The following CPQ variants were observed in gnomAD, a reference collection of about 807,000 sequenced individuals.
CPQ encodes carboxypeptidase Q.
In CPQ, 37 loss-of-function variants were observed where a neutral mutation model predicts 45.7. The ratio of observed to expected loss-of-function variants is 0.81; its 90% CI spans 0.62 to 1.07. The LOEUF (loss-of-function observed/expected upper bound fraction) is 1.07, where lower values mean the gene tolerates loss of function less well. Among genes scored for constraint, CPQ ranks in the 50% least tolerant of loss-of-function variants. The pLI is 0.00. For missense variants in CPQ, 537 were observed against 572.9 expected, an observed-to-expected ratio of 0.94 and a Z score of 0.64; for synonymous variants, 186 against 205.8, an observed-to-expected ratio of 0.90 and a Z score of 0.82.
chr8:97,043,174 A>G (rs981723905), intron 6 of CPQ, among the ~76,000 whole-genome samples: 9 of 152,140 alleles, frequency 5.9e-5, no homozygotes, highest in Non-Finnish European at 8.8e-5. Context: ...GTGCTCCTGT[A>G]TTGGGTGCAT....
intron 5 of CPQ, among the ~76,000 whole-genome samples, chr8:96,977,634 T>C (rs907638043): frequency 6.6e-6 from 1 of 152,172 alleles, no homozygotes; most frequent in Non-Finnish European, 1.5e-5. Context: ...CATGGAATAT[T>C]ACTCAGCCAC....
In CPQ at chr8:96,781,077, G is replaced by T. The variant is rs1371489819; in HGVS notation, c.-34-3787G>T. On this transcript the variant is annotated intron_variant, in intron 1 of 7. Transcript: ENST00000220763. ...GATTGTGCTTCTCATATTATCTGTG[G>T]TGAAGGAACAATTTTGAAAATTTTG... Among the ~76,000 whole-genome samples, 7 of 152,182 alleles carry T rather than the reference G, an allele frequency of 4.6e-5. No homozygotes were observed. In the South Asian group the frequency reaches 1.2e-3, roughly 27 times the overall value.
intron 3 of CPQ, among the ~76,000 whole-genome samples, chr8:96,870,668 C>G (rs1209763780): frequency 6.6e-6 from 1 of 151,932 alleles, no homozygotes; most frequent in African/African-American, 2.4e-5. Context: ...GTTGTAATAA[C>G]TGGTAAATGA....
intron 1 of CPQ, among the ~76,000 whole-genome samples, chr8:96,749,592 C>G (rs1265389405): frequency 1.3e-5 from 2 of 152,076 alleles, no homozygotes; most frequent in Non-Finnish European, 2.9e-5. Flanking sequence ...GGAAGGGGAG[C>G]TTTTCTATCA....
intron 2 of CPQ, among the ~76,000 whole-genome samples, chr8:96,818,525 A>G (rs75842703): frequency 0.036 from 5,459 of 152,158 alleles, 129 homozygotes; most frequent in Non-Finnish European, 0.056. Context: ...TTTGTAAAAA[A>G]CGCATTCATC....
intron 1 of CPQ, among the ~76,000 whole-genome samples, chr8:96,648,570 C>T (rs930589213): frequency 2.0e-5 from 3 of 151,962 alleles, no homozygotes; most frequent in African/African-American, 7.3e-5. Flanking sequence ...TTTCAATAAC[C>T]ATTTATTGAG....
At chr8:96,647,493 C>A (rs1446321180) in intron 1 of CPQ, among the ~76,000 whole-genome samples, 1 of 152,148 alleles carries the variant, frequency 6.6e-6, no homozygotes, top group Non-Finnish European at 1.5e-5. Flanking sequence ...CCTATTTGAT[C>A]TTCTTAACTA....
At chr8:96,871,039 A>T (rs182506320) in intron 3 of CPQ, among the ~76,000 whole-genome samples, 1 of 152,174 alleles carries the variant, frequency 6.6e-6, no homozygotes, top group Admixed American at 6.6e-5. Context: ...ACTGATAATG[A>T]TGCACAGATG....
At chr8:96,753,255 G>A (rs1039080842) in intron 1 of CPQ, among the ~76,000 whole-genome samples, 17 of 151,968 alleles carry the variant, frequency 1.1e-4, no homozygotes, top group Admixed American at 3.3e-4. Flanking sequence ...GTTTTGTTGT[G>A]TTAATTCGTC....
At chr8:96,755,491 TATTA>T (rs1318571971) in intron 1 of CPQ, among the ~76,000 whole-genome samples, 2 of 151,958 alleles carry the variant, frequency 1.3e-5, no homozygotes, top group African/African-American at 4.8e-5. Flanking sequence ...CATTTTTTGT[TATTA>T]ATTTCTAGTT....
chr8:96,754,544 G>T (rs1227603043), intron 1 of CPQ, among the ~76,000 whole-genome samples: 4 of 151,988 alleles, frequency 2.6e-5, no homozygotes, highest in Non-Finnish European at 5.9e-5. Context: ...TCTTGAAAAC[G>T]TGAAAGGCCT....
At chr8:96,969,680 T>C (rs1455567880) in intron 5 of CPQ, among the ~76,000 whole-genome samples, 5 of 152,182 alleles carry the variant, frequency 3.3e-5, no homozygotes, top group African/African-American at 1.2e-4. Flanking sequence ...AGTAGCAGTC[T>C]TGGGATTATA....
intron 3 of CPQ, among the ~76,000 whole-genome samples, chr8:96,839,231 G>A (rs552972171): frequency 1.8e-4 from 27 of 152,194 alleles, no homozygotes; most frequent in African/African-American, 6.5e-4. Context: ...TTTTGGGTCT[G>A]CAGTGGTCAC....
intron 4 of CPQ, among the ~76,000 whole-genome samples, chr8:96,930,328 A>G (rs1227837395): frequency 6.6e-6 from 1 of 152,158 alleles, no homozygotes; most frequent in Non-Finnish European, 1.5e-5. Context: ...GATTTTTGGG[A>G]AAGATTGAAA....
At chr8:96,873,592 A>T (rs551769007) in intron 3 of CPQ, among the ~76,000 whole-genome samples, 1 of 151,906 alleles carries the variant, frequency 6.6e-6, no homozygotes, top group African/African-American at 2.4e-5. Flanking sequence ...ATTAAGCAAA[A>T]TAAGTGCTCT....
intron 5 of CPQ, among the ~76,000 whole-genome samples, chr8:96,984,387 T>G (rs1586480230): frequency 6.6e-6 from 1 of 152,216 alleles, no homozygotes; most frequent in South Asian, 2.1e-4. Context: ...GGGAGCTGTT[T>G]AGGTCATGAG....
chr8:96,816,708 T>C (rs1811232941), intron 2 of CPQ, among the ~76,000 whole-genome samples: 1 of 152,194 alleles, frequency 6.6e-6, no homozygotes, highest in Admixed American at 6.5e-5. Flanking sequence ...GATTGGATGT[T>C]GTATTAGCAG....
chr8:96,726,768 T>C (rs1809847637), intron 1 of CPQ, among the ~76,000 whole-genome samples: 1 of 151,610 alleles, frequency 6.6e-6, no homozygotes, highest in Admixed American at 6.6e-5. Context: ...ATCATGGGAG[T>C]GGGACTGGTG....
chr8:97,138,420 C>T (rs1199886020), intron 7 of CPQ, among the ~76,000 whole-genome samples: 1 of 152,114 alleles, frequency 6.6e-6, no homozygotes, highest in Admixed American at 6.6e-5. Flanking sequence ...AGATGGCATC[C>T]TGGGGCAATG....
Sources: allele counts gnomAD v4.1 joint callset (sites outside exome capture counted in the v4.1 genomes callset), GRCh38; gene constraint gnomAD v4.1.1; transcripts MANE v1.5; gene names NCBI Gene and HGNC (gene_info 2026-07-23, HGNC 2026-07-21).